The following PDE1C variants were observed in gnomAD, a reference collection of about 807,000 sequenced individuals.
PDE1C encodes dual specificity calcium/calmodulin-dependent 3',5'-cyclic nucleotide phosphodiesterase 1C.
PDE1C carries 62 observed loss-of-function variants against 93.1 expected under a neutral mutation model. The ratio of observed to expected loss-of-function variants is 0.67; its 90% confidence interval spans 0.54 to 0.82. The LOEUF (loss-of-function observed/expected upper bound fraction) is 0.82, where lower values mean the gene tolerates loss of function less well. PDE1C is among the 40% of genes least tolerant of loss of function. The probability of loss-of-function intolerance (pLI) is 0.00; values close to 1 mark genes in which losing one functional copy is unlikely to be tolerated. For synonymous variants in PDE1C, 325 were observed against 310.1 expected, an observed-to-expected ratio of 1.05 and a Z score of -0.50; for missense variants, 742 against 884.6, an observed-to-expected ratio of 0.84 and a Z score of 2.04.
At chr7:32,279,847 A>C (rs2128891575) in intron 1 of PDE1C, among the ~76,000 whole-genome samples, 1 of 152,256 alleles carries the variant, frequency 6.6e-6, no homozygotes, top group South Asian at 2.1e-4. Flanking sequence ...AAGGGCAAAA[A>C]CCTAATTTCT....
At chr7:31,963,144 T>C (rs939684464) in intron 2 of PDE1C, among the ~76,000 whole-genome samples, 3 of 152,084 alleles carry the variant, frequency 2.0e-5, no homozygotes, top group African/African-American at 7.2e-5. Flanking sequence ...TTAATAAAAA[T>C]AAAAGAACTG....
chr7:32,098,229 C>CAA lies in PDE1C; in HGVS notation c.308+71554_308+71555dup, dbSNP rs60146342. 1.2e-3 allele frequency among the ~76,000 whole-genome samples: 57 copies of CAA among 46,260 alleles called. 5 individuals carry two copies. Among genetic ancestry groups the CAA allele is most frequent in the African/African-American group, 2.0e-3 (24 of 11,840 alleles). The allele number at this position is 46,260 out of a possible 152,430, so 30.3% of individuals were successfully genotyped here. ...TGGGCGACAGAGCGAGACTCCGTCT[C>CAA]AAAAAAAAAAAAAAAAAAGACATAA... is the stretch of plus-strand genomic sequence containing the variant. On this transcript the variant is annotated intron_variant, in intron 3 of 18. Transcript: ENST00000396193.
At chr7:31,995,659 T>C (rs1037905450) in intron 2 of PDE1C, among the ~76,000 whole-genome samples, 7 of 152,160 alleles carry the variant, frequency 4.6e-5, no homozygotes, top group Non-Finnish European at 8.8e-5. Context: ...TGGGCAAGAA[T>C]AGATTTTCTA....
chr7:31,961,651 G>C (rs534291167), intron 2 of PDE1C, among the ~76,000 whole-genome samples: 2 of 152,270 alleles, frequency 1.3e-5, no homozygotes, highest in African/African-American at 2.4e-5. Context: ...ACTGGATCAT[G>C]CTGGGATCTG....
chr7:31,675,882 C>G, the PDE1C span, among the ~76,000 whole-genome samples: 1 of 152,142 alleles, frequency 6.6e-6, no homozygotes. Context: ...AGCCCACAGA[C>G]AGCATCTACA....
At chr7:32,208,661 T>C (rs187451978) in intron 2 of PDE1C, among the ~76,000 whole-genome samples, 260 of 152,302 alleles carry the variant, frequency 1.7e-3, no homozygotes, top group African/African-American at 5.9e-3. Flanking sequence ...ACCTGGTGCA[T>C]AGTGGGTTTG....
chr7:32,275,403 T>A (rs1355703893), intron 1 of PDE1C, among the ~76,000 whole-genome samples: 1 of 152,232 alleles, frequency 6.6e-6, no homozygotes, highest in African/African-American at 2.4e-5. Flanking sequence ...GATGAGCTTG[T>A]AGGCACATCA....
At chr7:31,893,382 G>C (rs1798884837) in intron 2 of PDE1C, 1 of 573,654 alleles carries the variant, frequency 1.7e-6, no homozygotes, top group Admixed American at 6.4e-5. Context: ...GTCAGCTCCA[G>C]TATATTCTAA....
intron 1 of PDE1C, among the ~76,000 whole-genome samples, chr7:32,267,386 T>TG (rs139950486): frequency 0.12 from 17,758 of 151,952 alleles, 1,192 homozygotes; most frequent in African/African-American, 0.16. Context: ...TCGGAAGGAA[T>TG]GGGAACAGTC....
At chr7:31,973,241 C>A (rs1017447442) in intron 2 of PDE1C, among the ~76,000 whole-genome samples, 3 of 152,004 alleles carry the variant, frequency 2.0e-5, no homozygotes, top group Non-Finnish European at 4.4e-5. Context: ...ACTCAACAGT[C>A]ATATCATTGG....
intron 1 of PDE1C, among the ~76,000 whole-genome samples, chr7:32,313,863 C>G (rs1783110774): frequency 6.6e-6 from 1 of 151,290 alleles, no homozygotes; most frequent in African/African-American, 2.4e-5. Context: ...ATGTAACAAA[C>G]CTGAACATTG....
chr7:32,262,576 C>T (rs1206451930), intron 1 of PDE1C, among the ~76,000 whole-genome samples: 8 of 152,134 alleles, frequency 5.3e-5, no homozygotes, highest in African/African-American at 1.7e-4. Flanking sequence ...ATGGCAGATA[C>T]GCAGCAAAGC....
chr7:31,778,973 T>C (rs1783200617), intron 16 of PDE1C, among the ~76,000 whole-genome samples: 1 of 152,166 alleles, frequency 6.6e-6, no homozygotes. Context: ...CAACCCATTG[T>C]CTGGGTTTCC....
At chr7:32,173,213 G>A (rs920316084) in intron 2 of PDE1C, among the ~76,000 whole-genome samples, 1 of 152,154 alleles carries the variant, frequency 6.6e-6, no homozygotes, top group Non-Finnish European at 1.5e-5. Flanking sequence ...CCTTTGCAGG[G>A]ACATGGGTGA....
At chr7:32,371,000 C>CAA (rs548885265) in intron 1 of PDE1C, among the ~76,000 whole-genome samples, 2 of 133,560 alleles carry the variant, frequency 1.5e-5, no homozygotes, top group Admixed American at 7.5e-5. Context: ...ATATGGAAGT[C>CAA]AAAAAAAAAA....
chr7:31,805,031 T>C lies in PDE1C; in HGVS notation c.1891+4000A>G, dbSNP rs116057694. Among the ~76,000 whole-genome samples the C allele has an allele frequency of 3.1e-3, 465 of 151,794 alleles. 6 individuals are homozygous for C. The highest frequency in any genetic ancestry group is 0.011 in the African/African-American group (442 of 41,472). On this transcript the variant is annotated intron_variant, in intron 16 of 17. Transcript: ENST00000396191. ...TTATGGGGATGAGTTTTTCTCATGATAGTAAATAAGTCTCACGAGATGTGA... is the reference window on the plus strand; with the variant it reads ...TTATGGGGATGAGTTTTTCTCATGACAGTAAATAAGTCTCACGAGATGTGA...
chr7:32,153,272 T>C (rs1258854979), intron 3 of PDE1C, among the ~76,000 whole-genome samples: 1 of 152,172 alleles, frequency 6.6e-6, no homozygotes, highest in Non-Finnish European at 1.5e-5. Context: ...ACATATGGCA[T>C]CTCGTGGGGT....
intron 1 of PDE1C, among the ~76,000 whole-genome samples, chr7:32,241,787 A>G (rs999530448): frequency 2.0e-5 from 3 of 152,138 alleles, no homozygotes; most frequent in African/African-American, 7.2e-5. Context: ...CCATTTCACC[A>G]GTAAGGATGC....
At chr7:31,749,404 C>T (rs1693369019), downstream of PDE1C, among the ~76,000 whole-genome samples, 1 of 152,140 alleles carries the variant, frequency 6.6e-6, no homozygotes, top group Non-Finnish European at 1.5e-5. Context: ...AAGGGAAACA[C>T]TGCCATTTCA....
Sources: allele counts gnomAD v4.1 joint callset (sites outside exome capture counted in the v4.1 genomes callset), GRCh38; gene constraint gnomAD v4.1.1; transcripts MANE v1.5; gene names NCBI Gene and HGNC (gene_info 2026-07-23, HGNC 2026-07-21).